ACAD9: variants seen among roughly 807,000 people sequenced by gnomAD.
ACAD9 encodes the protein acyl-CoA dehydrogenase family member 9.
A neutral mutation model predicts 70.2 loss-of-function variants in ACAD9; 53 were observed. The observed-to-expected ratio is 0.75, with a 90% CI of 0.61 to 0.95. ACAD9 has a LOEUF of 0.95. ACAD9 is among the 40% of genes least tolerant of loss of function. The pLI, the probability that ACAD9 is intolerant of heterozygous loss-of-function variation, is 0.00. For missense variants in ACAD9, 777 were observed against 802.8 expected (o/e 0.97, Z 0.39); for synonymous variants, 313 against 312.1 (o/e 1.00, Z -0.03).
chr3:128,894,872 AT>A (rs138817276), intron 3 of ACAD9, among the ~76,000 whole-genome samples: 19,525 of 105,156 alleles, frequency 0.19, 1,106 homozygotes, highest in East Asian at 0.43. Context: ...CTGTATTGTG[AT>A]TTTTTTTTTT....
In ACAD9 at chr3:128,907,066, G is replaced by A. The variant is rs1935914679; in HGVS notation, c.1278+817G>A. 2.6e-5 allele frequency among the ~76,000 whole-genome samples: 4 copies of A among 152,226 alleles called. No individual in the cohort carries two copies. The South Asian group carries it at 8.3e-4, about 32-fold the overall frequency. On this transcript the variant is annotated intron_variant, in intron 12 of 17. Coordinates refer to ENST00000308982, the MANE Select transcript of ACAD9 (RefSeq NM_014049.5). ...TGGGAGGGAGGGGCTGGACCTAAGA[G>A]AGCACAGCAGGATGAGTGGGATATG...
Position 128,879,726 on chromosome 3 carries a change from C to T in ACAD9, c.35C>T (p.Ala12Val), listed in dbSNP as rs1935029602. Residue 12 changes from alanine to valine, a missense_variant, in exon 1 of 18, where the codon GCT becomes GTT. Transcript: ENST00000308982. ...SGCGLFLRTT[A>V]AARACRGLVV... The stretch of plus-strand genomic sequence containing the variant: ...TGCGGGCTCTTCCTGCGCACCACGG[C>T]TGCGGCTCGTGCCTGCCGGGGTCTG... The T allele has an allele frequency of 6.2e-7, 1 of 1,612,470 alleles. No individual in the cohort carries two copies. Among genetic ancestry groups the T allele is most frequent in the Non-Finnish European group, 8.5e-7 (1 of 1,179,940 alleles).
At chr3:128,886,228 A>T (rs970946771) in intron 2 of ACAD9, among the ~76,000 whole-genome samples, 1 of 150,576 alleles carries the variant, frequency 6.6e-6, no homozygotes, top group East Asian at 2.1e-4. Flanking sequence ...TCAGCCTCCC[A>T]AGTATCTGGG....
intron 10 of ACAD9, 50 bp downstream of exon 10, chr3:128,904,182 C>T (rs1376700112): frequency 9.4e-6 from 15 of 1,599,846 alleles, no homozygotes; most frequent in Admixed American, 3.3e-5. Flanking sequence ...GTGACATGAA[C>T]GGTGTGTTCT....
At position 128,902,795 on chromosome 3, in the gene ACAD9, C is replaced by T. The variant is rs937372004; in HGVS notation, c.958+167C>T. 1.2e-4 allele frequency among the ~76,000 whole-genome samples: 18 copies of T among 152,320 alleles called. No individual in the cohort carries two copies. Among genetic ancestry groups the T allele is most frequent in the Middle Eastern group, 3.4e-3 (1 of 294 alleles). ...GTGGAGACCAGAGGGTCTCCTCAGC[C>T]TGCCCCTGAGGTTTGTTGTCTTCCG... is the stretch of plus-strand genomic sequence containing the variant. On this transcript the variant is annotated intron_variant, in intron 9 of 17. Coordinates refer to ENST00000308982, the MANE Select transcript of ACAD9 (RefSeq NM_014049.5). The surrounding 1 kb of genome is among the most constrained non-coding windows in gnomAD (Gnocchi z 4.0).
At chr3:128,887,820 A>C (rs1227376037) in intron 2 of ACAD9, among the ~76,000 whole-genome samples, 2 of 152,072 alleles carry the variant, frequency 1.3e-5, no homozygotes, top group Non-Finnish European at 2.9e-5. Context: ...AAGCAGAGAA[A>C]AGAACATACA....
rs769578276 is a variant in ACAD9, at chr3:128,896,522, C to T, written c.540C>T (p.Leu180=). Reference sequence around the variant, plus strand: ...GGGAGCACATTGCAGCCTTCTGCCTCACGGAGCCAGCCAGGTCTGTCTCTG... The same window carrying T: ...GGGAGCACATTGCAGCCTTCTGCCTTACGGAGCCAGCCAGGTCTGTCTCTG... ...ASGEHIAAFC[L]TEPASGSDAA... is the part of the protein sequence containing the mutation. Residue 180 remains leucine, a synonymous_variant, in exon 5 of 18, where the codon CTC becomes CTT. Transcript: ENST00000308982. 12 of 1,614,024 alleles carry T rather than the reference C, an allele frequency of 7.4e-6. No homozygotes were observed. Among genetic ancestry groups the T allele is most frequent in the Middle Eastern group, 1.6e-4 (1 of 6,072 alleles).
rs1935484874 is a variant in ACAD9 at position 128,893,664 on chromosome 3, A to G, written c.346+8A>G. ...AAGTCCCAGAAGAATATGGTAAGTC[A>G]AGCAAACAAGCACCCAGCCAGTTTA... On this transcript the variant is annotated splice_region_variant and intron_variant, in intron 3 of 17. Transcript: ENST00000308982. The G allele has an allele frequency of 3.1e-6, 5 of 1,607,866 alleles. No individual in the cohort carries two copies. The East Asian group carries it at 6.7e-5, about 22-fold the overall frequency.
At position 128,879,749 on chromosome 3, in the gene ACAD9, C is replaced by G; in HGVS notation, c.58C>G (p.Leu20Val). Residue 20 changes from leucine to valine, a missense_variant, in exon 1 of 18, where the codon CTG becomes GTG. Coordinates refer to ENST00000308982, the MANE Select transcript of ACAD9 (RefSeq NM_014049.5). The stretch of plus-strand genomic sequence containing the variant: ...GGCTGCGGCTCGTGCCTGCCGGGGT[C>G]TGGTGGTCTCTACCGCGAACCGGCG... ...TTAAARACRGLVVSTANRRLL... is the reference protein window; with the variant it reads ...TTAAARACRGVVVSTANRRLL... 1.2e-6 allele frequency: 2 copies of G among 1,613,320 alleles called. No individual in the cohort carries two copies. The highest frequency in any genetic ancestry group is 1.7e-6 in the Non-Finnish European group (2 of 1,179,990).
chr3:128,900,615 T>C (rs956864466), intron 7 of ACAD9, among the ~76,000 whole-genome samples: 4 of 151,450 alleles, frequency 2.6e-5, no homozygotes, highest in African/African-American at 7.3e-5. Context: ...TTCCTGCCTC[T>C]GCCTCCCAAA....
intron 2 of ACAD9, among the ~76,000 whole-genome samples, chr3:128,885,954 T>C (rs574910682): frequency 4.0e-5 from 6 of 151,724 alleles, no homozygotes; most frequent in African/African-American, 1.4e-4. Flanking sequence ...GAGGCAGAGA[T>C]TGTAGTGAGC....
At position 128,904,464 on chromosome 3, in the gene ACAD9, C is replaced by A; in HGVS notation, c.1108C>A (p.Pro370Thr). The change falls in exon 11 of 18, where the codon CCT becomes ACT. Residue 370 changes from proline (P) to threonine (T), a missense_variant. Transcript: ENST00000308982. ...CCTCACAGCAGGGATGCTGGACCAA[C>A]CTGGCTTTCCCGACTGCTCCATCGA... ...TYLTAGMLDQ[P>T]GFPDCSIEAA... 2 of 1,614,218 alleles carry A rather than the reference C, an allele frequency of 1.2e-6. No homozygotes were observed. The highest frequency in any genetic ancestry group is 4.5e-5 in the East Asian group (2 of 44,888).
intron 6 of ACAD9, 42 bp from the exon 7 acceptor site, chr3:128,899,245 T>A (rs756125891): frequency 6.2e-7 from 1 of 1,607,262 alleles, no homozygotes; most frequent in Non-Finnish European, 8.5e-7. Context: ...GTGGGTCACA[T>A]AGGGGTTTGG....
intron 4 of ACAD9, among the ~76,000 whole-genome samples, chr3:128,895,971 G>A (rs1489866310): frequency 6.6e-6 from 1 of 152,258 alleles, no homozygotes; most frequent in Non-Finnish European, 1.5e-5. Context: ...GACTGTCTTT[G>A]TGGCACTGGG....
intron 15 of ACAD9, 119 bp from the exon 16 acceptor site, chr3:128,909,902 G>A: frequency 3.6e-6 from 5 of 1,397,548 alleles, no homozygotes; most frequent in Non-Finnish European, 4.0e-6. Flanking sequence ...AGGTGTTATT[G>A]ACTCCACTTT....
intron 17 of ACAD9, among the ~76,000 whole-genome samples, chr3:128,912,085 C>T (rs1018417356): frequency 8.5e-5 from 13 of 152,140 alleles, no homozygotes; most frequent in Admixed American, 5.9e-4. Context: ...TGGGTGTAGG[C>T]GCCAGCACTG....
chr3:128,884,023 C>A, intron 1 of ACAD9, among the ~76,000 whole-genome samples: 1 of 152,116 alleles, frequency 6.6e-6, no homozygotes, highest in East Asian at 1.9e-4. Flanking sequence ...GTAGCAGAGC[C>A]CAAAAGTCCA....
rs968369816 is a variant in ACAD9 at position 128,904,491 on chromosome 3, G to C, written c.1135G>C (p.Ala379Pro). 1 of 1,614,064 alleles carries C rather than the reference G, an allele frequency of 6.2e-7. No individual in the cohort carries two copies. The highest frequency in any genetic ancestry group is 1.1e-5 in the South Asian group (1 of 91,086). Reference sequence around the variant, plus strand: ...TGGCTTTCCCGACTGCTCCATCGAGGCAGCCATGGTGAAGGTAACCCTGGC... The same window carrying C: ...TGGCTTTCCCGACTGCTCCATCGAGCCAGCCATGGTGAAGGTAACCCTGGC... Reference protein sequence around the residue: ...QPGFPDCSIEAAMVKVFSSEA... With the variant: ...QPGFPDCSIEPAMVKVFSSEA... Residue 379 changes from alanine (A) to proline (P), a missense_variant, in exon 11 of 18, where the codon GCA becomes CCA. Transcript: ENST00000308982.
rs759785435 is a variant in ACAD9 at position 128,910,409 on chromosome 3, C to T, written c.1692+260C>T. 57 of 1,381,486 alleles carry T rather than the reference C, an allele frequency of 4.1e-5. No homozygotes were observed. In the East Asian group the frequency reaches 1.3e-3, roughly 30 times the overall value. 85.6% of individuals were successfully genotyped at this position (1,381,486 alleles called of 1,614,324 possible). ...CCCCCAGCAAGGGACAGACCCTGCACATTGCCCGCTGTGCTGGAGGGAGGC... is the reference window on the plus strand; with the variant it reads ...CCCCCAGCAAGGGACAGACCCTGCATATTGCCCGCTGTGCTGGAGGGAGGC... On this transcript the variant is annotated intron_variant, in intron 16 of 17. Transcript: ENST00000308982.
Sources: gnomAD v4.1 joint callset for allele counts (sites outside exome capture counted in the v4.1 genomes callset) on GRCh38, gnomAD v4.1.1 for gene constraint, Gnocchi (gnomAD v3.1) non-coding constraint, MANE v1.5 for transcripts, NCBI Gene and HGNC (gene_info 2026-07-23, HGNC 2026-07-21) for gene names.